Variants in DSCAM observed in about 807,000 individuals in gnomAD.
The protein encoded by DSCAM is cell adhesion molecule DSCAM.
In DSCAM, 47 loss-of-function variants were observed where a neutral mutation model predicts 217.7. The observed-to-expected ratio is 0.22, with a 90% CI of 0.17 to 0.28. The LOEUF (loss-of-function observed/expected upper bound fraction) is 0.28. Among genes scored for constraint, DSCAM ranks in the 10% least tolerant of loss-of-function variants. The pLI is 1.00. For synonymous variants in DSCAM, 1,056 were observed against 1,015.3 expected (o/e 1.04, Z -0.76); for missense variants, 2,080 against 2,618.3 (o/e 0.79, Z 4.49).
chr21:40,059,256 G>A (rs1448507684), intron 28 of DSCAM, among the ~76,000 whole-genome samples: 1 of 152,124 alleles, frequency 6.6e-6, no homozygotes, highest in Non-Finnish European at 1.5e-5. Flanking sequence ...CAACTCACTC[G>A]CTAATGCTGA....
In DSCAM at chr21:40,736,376, G is replaced by C. The variant is rs189589985; in HGVS notation, c.44-27605C>G. Among the ~76,000 whole-genome samples the C allele has an allele frequency of 3.9e-5, 6 of 152,244 alleles. No homozygotes were observed. In the East Asian group the frequency reaches 1.2e-3, roughly 29 times the overall value. ...TCCAGCTCCTCTTCTCTCTCCAAAA[G>C]TCAGGGGGTAAGCTCATGGGGGCCG... On this transcript the variant is annotated intron_variant, in intron 1 of 32. Coordinates refer to ENST00000400454, the MANE Select transcript of DSCAM (RefSeq NM_001389.5).
chr21:40,275,978 C>G, intron 11 of DSCAM, 119 bp downstream of exon 11: 3 of 1,095,228 alleles, frequency 2.7e-6, no homozygotes, highest in Non-Finnish European at 3.7e-6. Flanking sequence ...CTATATCACA[C>G]CAACGGGTCT....
At chr21:40,759,673 G>A (rs917394777) in intron 1 of DSCAM, among the ~76,000 whole-genome samples, 1 of 152,080 alleles carries the variant, frequency 6.6e-6, no homozygotes, top group African/African-American at 2.4e-5. Context: ...CACTTGCTAC[G>A]GGAGCATGAG....
chr21:40,722,153 CA>C (rs1209296180), intron 1 of DSCAM, among the ~76,000 whole-genome samples: 11 of 151,886 alleles, frequency 7.2e-5, no homozygotes, highest in African/African-American at 2.2e-4. Context: ...AGTAGACTAG[CA>C]ATACAAAAAT....
At position 40,488,174 on chromosome 21, in the gene DSCAM, C is replaced by T. The variant is rs373723535; in HGVS notation, c.509-118929G>A. Among the ~76,000 whole-genome samples the T allele has an allele frequency of 7.9e-5, 12 of 152,330 alleles. No homozygotes were observed. The East Asian group carries it at 1.7e-3, about 22-fold the overall frequency. On this transcript the variant is annotated intron_variant, in intron 3 of 32. Transcript: ENST00000400454. Reference sequence around the variant, plus strand: ...GAACTTACCAACTCTATGAGTGTGTCGCCCTCTCTGTACTCCGCACCTGGA... The same window carrying T: ...GAACTTACCAACTCTATGAGTGTGTTGCCCTCTCTGTACTCCGCACCTGGA...
chr21:40,209,017 A>G (rs548246771), intron 11 of DSCAM, among the ~76,000 whole-genome samples: 28 of 152,348 alleles, frequency 1.8e-4, no homozygotes, highest in Admixed American at 1.6e-3. Context: ...CAGCTAAATG[A>G]GCGGGCACTA....
intron 3 of DSCAM, among the ~76,000 whole-genome samples, chr21:40,608,165 T>G (rs2146273319): frequency 6.6e-6 from 1 of 152,346 alleles, no homozygotes; most frequent in African/African-American, 2.4e-5. Flanking sequence ...TGCTGAAGTA[T>G]TTTTCTAGTG....
intron 3 of DSCAM, among the ~76,000 whole-genome samples, chr21:40,482,388 T>C (rs768761720): frequency 6.6e-6 from 1 of 152,240 alleles, no homozygotes; most frequent in Admixed American, 6.5e-5. Flanking sequence ...AGCTAATGAC[T>C]GTCTTTGTCA....
chr21:40,508,372 A>G (rs960465510), intron 3 of DSCAM, among the ~76,000 whole-genome samples: 9 of 152,300 alleles, frequency 5.9e-5, no homozygotes, highest in Admixed American at 2.6e-4. Context: ...AATCAAAAAG[A>G]GAAGGGAAAA....
In DSCAM at chr21:40,080,133, G is replaced by T; in HGVS notation, c.4420+19C>A. 1.3e-6 allele frequency: 2 copies of T among 1,522,490 alleles called. No individual in the cohort carries two copies. The highest frequency in any genetic ancestry group is 1.2e-5 in the South Asian group (1 of 86,762). 94.3% of individuals were successfully genotyped at this position (1,522,490 alleles called of 1,614,324 possible). On this transcript the variant is annotated intron_variant, in intron 25 of 32. Transcript: ENST00000400454. ...GGGAAAAGAAAGGATATTAAGAAGC[G>T]ATGAGAAGGCATACCTACCTTTTCC...
At chr21:40,404,946 T>C (rs1452455228) in intron 3 of DSCAM, among the ~76,000 whole-genome samples, 2 of 152,204 alleles carry the variant, frequency 1.3e-5, no homozygotes, top group African/African-American at 4.8e-5. Flanking sequence ...CAGAGACATA[T>C]GAAATAATTT....
At chr21:40,400,302 T>C (rs1169429958) in intron 3 of DSCAM, among the ~76,000 whole-genome samples, 1 of 152,132 alleles carries the variant, frequency 6.6e-6, no homozygotes, top group Non-Finnish European at 1.5e-5. Flanking sequence ...AATGAAAACA[T>C]TGTATTTTCC....
intron 1 of DSCAM, among the ~76,000 whole-genome samples, chr21:40,713,954 G>T (rs2090811854): frequency 6.6e-6 from 1 of 152,184 alleles, no homozygotes; most frequent in Non-Finnish European, 1.5e-5. Flanking sequence ...TTCCTCAGCT[G>T]CCCCAGCCAT....
chr21:40,830,014 C>A (rs1024581445), intron 1 of DSCAM, among the ~76,000 whole-genome samples: 1 of 152,230 alleles, frequency 6.6e-6, no homozygotes, highest in Non-Finnish European at 1.5e-5. Flanking sequence ...CTCCCCATAA[C>A]TTACATTTCC....
chr21:40,586,084 T>C (rs1217360145), intron 3 of DSCAM, among the ~76,000 whole-genome samples: 3 of 152,328 alleles, frequency 2.0e-5, no homozygotes, highest in African/African-American at 7.2e-5. Context: ...CTCAAACTCC[T>C]GACCTCAAAT....
chr21:40,060,161 G>T (rs757598298), intron 28 of DSCAM, among the ~76,000 whole-genome samples: 1 of 152,198 alleles, frequency 6.6e-6, no homozygotes, highest in Non-Finnish European at 1.5e-5. Context: ...ATAAGTGGTT[G>T]TGATTACTGG....
In DSCAM at chr21:40,144,401, G is replaced by A. The variant is rs2090329870; in HGVS notation, c.3259+90C>T. 1.3e-6 allele frequency: 2 copies of A among 1,561,986 alleles called. No individual in the cohort carries two copies. Among genetic ancestry groups the A allele is most frequent in the Admixed American group, 1.8e-5 (1 of 57,008 alleles). ...GCAGGTCACTGCAAAGTCGTGGGGC[G>A]GGGGAGTGCGAGGTTGGGGGAGCCC... On this transcript the variant is annotated intron_variant, in intron 17 of 32. Coordinates refer to ENST00000400454, the MANE Select transcript of DSCAM (RefSeq NM_001389.5). This position sits in a 1 kb window ranked among gnomAD's most constrained non-coding sequence, Gnocchi z 4.8.
chr21:40,456,639 G>A (rs1407280208), intron 3 of DSCAM, among the ~76,000 whole-genome samples: 1 of 151,764 alleles, frequency 6.6e-6, no homozygotes, highest in African/African-American at 2.4e-5. Context: ...GAAAATTATT[G>A]TGAAGTGCAA....
At chr21:40,772,150 G>T (rs571403768) in intron 1 of DSCAM, among the ~76,000 whole-genome samples, 38 of 152,198 alleles carry the variant, frequency 2.5e-4, no homozygotes, top group Admixed American at 2.2e-3. Context: ...CTAGTAATAG[G>T]TTTAAAAAGT....
Sources: allele counts gnomAD v4.1 joint callset (sites outside exome capture counted in the v4.1 genomes callset), GRCh38; gene constraint gnomAD v4.1.1; non-coding constraint Gnocchi (gnomAD v3.1); transcripts MANE v1.5; gene names NCBI Gene and HGNC (gene_info 2026-07-23, HGNC 2026-07-21).